Variants in ENPP2 observed in about 807,000 individuals in gnomAD.
The protein encoded by ENPP2 is autotaxin.
ENPP2 carries 51 observed loss-of-function variants against 120.2 expected under a neutral mutation model. That is an observed-to-expected ratio of 0.42 (90% CI 0.34 to 0.54). The LOEUF is 0.54. ENPP2 is among the 20% of genes least tolerant of loss of function. The pLI is 0.04. For missense variants in ENPP2, 920 were observed against 1,066.5 expected (o/e 0.86, Z 1.91); for synonymous variants, 365 against 366.4 (o/e 1.00, Z 0.04).
At chr8:119,585,563 C>T (rs1813045702) in intron 15 of ENPP2, among the ~76,000 whole-genome samples, 1 of 152,124 alleles carries the variant, frequency 6.6e-6, no homozygotes, top group South Asian at 2.1e-4. Context: ...ACAGCTACTT[C>T]CAGGTCTGTG....
rs1158765696 is a variant in ENPP2, at chr8:119,569,255, T to C, written c.2033A>G (p.Tyr678Cys). 1.2e-6 allele frequency: 2 copies of C among 1,614,050 alleles called. No individual in the cohort carries two copies. Among genetic ancestry groups the C allele is most frequent in the East Asian group, 2.2e-5 (1 of 44,872 alleles). The change falls in exon 21 of 25, where the codon TAC becomes TGC. Residue 678 changes from tyrosine to cysteine, a missense_variant. Tyr to Cys is a radical substitution (Grantham distance 194). Coordinates refer to ENST00000075322, the MANE Select transcript of ENPP2 (RefSeq NM_001040092.3). ...CTTACAAGGAGGAAAGAGGAATCCGTAGGACATCTGCTTATCATTTTTGTA... is the reference window on the plus strand; with the variant it reads ...CTTACAAGGAGGAAAGAGGAATCCGCAGGACATCTGCTTATCATTTTTGTA... The part of the protein sequence containing the change: ...LAYKNDKQMS[Y>C]GFLFPPYLSS...
At position 119,626,749 on chromosome 8, in the gene ENPP2, G is replaced by T. The variant is rs766287591; in HGVS notation, c.137-29C>A. On this transcript the variant is annotated intron_variant, in intron 2 of 24. Transcript: ENST00000075322. The stretch of plus-strand genomic sequence containing the variant: ...CAAAGAACAAGAGGCAAAAACAATG[G>T]ACTGGAGAGTGGTCATGTCACCATG... The T allele has an allele frequency of 1.9e-6, 3 of 1,609,516 alleles. No individual in the cohort carries two copies. The African/African-American group carries it at 4.0e-5, about 22-fold the overall frequency.
At position 119,659,330 on chromosome 8, in the gene ENPP2, A is replaced by AC. The variant is rs1434190914; in HGVS notation, c.21+13921_21+13922insG. On this transcript the variant is annotated intron_variant, in intron 1 of 25. Coordinates refer to the ENPP2 transcript ENST00000427067. ...AGACTCTGTCTCAATTAAAAAAAAA[A>AC]AAAAAAACCAGAGTTCTTAAGAATT... Among the ~76,000 whole-genome samples, 336 of 150,900 alleles carry AC rather than the reference A, an allele frequency of 2.2e-3. 13 individuals are homozygous for AC. The highest frequency in any genetic ancestry group is 7.9e-3 in the African/African-American group (325 of 41,152).
chr8:119,580,190 A>G (rs1318352687), intron 18 of ENPP2, 23 bp from the exon 19 acceptor site: 1 of 1,599,348 alleles, frequency 6.3e-7, no homozygotes, highest in South Asian at 1.1e-5. Flanking sequence ...AAACCAGTAA[A>G]GGAAAAAAGA....
At chr8:119,626,822 TGGA>T (rs1248642309) in intron 2 of ENPP2, 102 bp from the exon 3 acceptor site, 14 of 1,061,244 alleles carry the variant, frequency 1.3e-5, no homozygotes, top group Non-Finnish European at 2.0e-5. Context: ...CAGTGGACTC[TGGA>T]GGAGAACACT....
intron 19 of ENPP2, among the ~76,000 whole-genome samples, chr8:119,576,028 C>T (rs1451596800): frequency 6.6e-6 from 1 of 152,156 alleles, no homozygotes. Context: ...AAAGAAATAA[C>T]ACAAATGAGA....
chr8:119,624,043 T>C (rs780371023), intron 3 of ENPP2, among the ~76,000 whole-genome samples: 46 of 152,196 alleles, frequency 3.0e-4, no homozygotes, highest in Non-Finnish European at 5.4e-4. Context: ...CTAAGGTTGC[T>C]TTGACTCTAG....
chr8:119,603,088 C>A (rs886205171), intron 9 of ENPP2, among the ~76,000 whole-genome samples: 1 of 152,160 alleles, frequency 6.6e-6, no homozygotes, highest in African/African-American at 2.4e-5. Context: ...AAATGCGACC[C>A]TGATCACTAT....
intron 1 of ENPP2, among the ~76,000 whole-genome samples, chr8:119,652,957 AAAAG>A (rs1817666991): frequency 1.3e-5 from 2 of 152,220 alleles, no homozygotes; most frequent in African/African-American, 4.8e-5. Context: ...CAATTCTTGT[AAAAG>A]AAACCCAGGC....
Position 119,663,746 on chromosome 8 carries a change from G to T in ENPP2, c.21+9506C>A, listed in dbSNP as rs564181045. Among the ~76,000 whole-genome samples the T allele has an allele frequency of 2.0e-5, 3 of 152,276 alleles. No individual in the cohort carries two copies. The East Asian group carries it at 5.8e-4, about 29-fold the overall frequency. The stretch of plus-strand genomic sequence containing the variant: ...ACAACCAAGTGCTCTGCACTCACGG[G>T]TGCCAAGAAAAAGCTTAGGTCACCC... On this transcript the variant is annotated intron_variant, in intron 1 of 25. Transcript: ENST00000427067.
chr8:119,601,324 A>G (rs1230162385), intron 10 of ENPP2, 73 bp downstream of exon 10: 6 of 1,018,568 alleles, frequency 5.9e-6, no homozygotes, highest in Non-Finnish European at 9.2e-6. Context: ...TCTATTCCAC[A>G]GTCTAGTGTT....
chr8:119,563,106 C>A, intron 23 of ENPP2, 93 bp from the exon 24 acceptor site: 2 of 1,023,854 alleles, frequency 2.0e-6, no homozygotes, highest in East Asian at 5.2e-5. Context: ...GCCTAAGTCA[C>A]TAAAATTAAT....
chr8:119,567,639 G>T (rs892227289), intron 22 of ENPP2, among the ~76,000 whole-genome samples: 3 of 152,176 alleles, frequency 2.0e-5, no homozygotes, highest in African/African-American at 7.2e-5. Context: ...TGATTCAGAA[G>T]GTCCTTTCGG....
At chr8:119,668,201 G>T (rs887663813) in intron 1 of ENPP2, among the ~76,000 whole-genome samples, 4 of 151,962 alleles carry the variant, frequency 2.6e-5, no homozygotes, top group African/African-American at 7.3e-5. Flanking sequence ...TGTAAATACC[G>T]TGAGATCAGG....
At chr8:119,587,218 T>C (rs978566693) in intron 13 of ENPP2, 143 bp from the exon 14 acceptor site, 1 of 712,404 alleles carries the variant, frequency 1.4e-6, no homozygotes, top group Non-Finnish European at 2.4e-6. Flanking sequence ...AGATAAATAA[T>C]TGTGTAGGGG....
intron 2 of ENPP2, 91 bp from the exon 3 acceptor site, chr8:119,626,811 G>T: frequency 1.7e-6 from 2 of 1,186,978 alleles, no homozygotes; most frequent in Non-Finnish European, 2.5e-6. Flanking sequence ...GTGTGATGCT[G>T]CAGTGGACTC....
At chr8:119,653,369 C>T (rs377446701) in intron 1 of ENPP2, among the ~76,000 whole-genome samples, 8 of 152,022 alleles carry the variant, frequency 5.3e-5, no homozygotes, top group Admixed American at 1.3e-4. Context: ...AGCTGATAAA[C>T]GATAAAGAAA....
chr8:119,586,409 T>C, intron 14 of ENPP2, 96 bp from the exon 15 acceptor site: 3 of 1,112,808 alleles, frequency 2.7e-6, no homozygotes, highest in Non-Finnish European at 1.3e-6. Flanking sequence ...ATTTTAAGCC[T>C]AACCAAAGGT....
intron 2 of ENPP2, among the ~76,000 whole-genome samples, chr8:119,631,555 C>T (rs1174124919): frequency 6.6e-6 from 1 of 152,080 alleles, no homozygotes. Context: ...TATGATGACA[C>T]TCAGTAATGC....
Sources: allele counts gnomAD v4.1 joint callset (sites outside exome capture counted in the v4.1 genomes callset), GRCh38; gene constraint gnomAD v4.1.1; transcripts MANE v1.5; gene names NCBI Gene and HGNC (gene_info 2026-07-23, HGNC 2026-07-21).